Variants in ALX4 observed in about 807,000 individuals in gnomAD.
ALX4 encodes homeobox protein aristaless-like 4.
Under a neutral mutation model 40.6 loss-of-function variants are expected in ALX4, and 22 were observed. That is an observed-to-expected ratio of 0.54 (90% CI 0.39 to 0.77). The LOEUF (loss-of-function observed/expected upper bound fraction) is 0.77, where lower values mean the gene tolerates loss of function less well. ALX4 is among the 30% of genes least tolerant of loss of function. The probability of loss-of-function intolerance (pLI) is 0.00; values close to 1 mark genes in which losing one functional copy is unlikely to be tolerated. For missense variants in ALX4, 556 were observed against 564.8 expected, an observed-to-expected ratio of 0.98 and a Z score of 0.16; for synonymous variants, 266 against 240.5, an observed-to-expected ratio of 1.11 and a Z score of -0.98.
chr11:44,271,669 C>T (rs1171621170), intron 2 of ALX4, among the ~76,000 whole-genome samples: 1 of 152,156 alleles, frequency 6.6e-6, no homozygotes, highest in Non-Finnish European at 1.5e-5. Flanking sequence ...TTGTAAGCTA[C>T]CTCAACTCCA....
chr11:44,275,121 C>A (rs1247304990), intron 2 of ALX4, among the ~76,000 whole-genome samples: 1 of 152,160 alleles, frequency 6.6e-6, no homozygotes, highest in Non-Finnish European at 1.5e-5. Context: ...TGCAACCCCC[C>A]ACCACAGTGC....
At chr11:44,293,494 C>G (rs1241922362) in intron 1 of ALX4, among the ~76,000 whole-genome samples, 1 of 152,226 alleles carries the variant, frequency 6.6e-6, no homozygotes, top group Non-Finnish European at 1.5e-5. Flanking sequence ...GAACGTGAGA[C>G]AAATACATCT....
In ALX4 at chr11:44,265,063, C is replaced by A; in HGVS notation, c.1027G>T (p.Ala343Ser). 6.2e-7 allele frequency: 1 copy of A among 1,613,022 alleles called. No individual in the cohort carries two copies. Among genetic ancestry groups the A allele is most frequent in the South Asian group, 1.1e-5 (1 of 91,080 alleles). Reference sequence around the variant, plus strand: ...CTCAGGAAGTCGGTGACGCTGCTGGCCCCAGAGCCAGGGGGGTGGGCATGA... The same window carrying A: ...CTCAGGAAGTCGGTGACGCTGCTGGACCCAGAGCCAGGGGGGTGGGCATGA... ...SPHAHPPGSG[A>S]SSVTDFLSVS... The change falls in exon 4 of 4, where the codon GCC becomes TCC. Residue 343 changes from alanine to serine, a missense_variant. Physicochemically the swap from Ala to Ser is moderately conservative, Grantham distance 99 (BLOSUM62 1). Coordinates refer to ENST00000652299, the MANE Select transcript of ALX4 (RefSeq NM_021926.4).
intron 1 of ALX4, among the ~76,000 whole-genome samples, chr11:44,303,919 T>TC (rs1191989223): frequency 3.3e-5 from 5 of 152,104 alleles, no homozygotes; most frequent in African/African-American, 1.2e-4. Context: ...GATGGGGGTG[T>TC]CCCCGGTTTA....
chr11:44,268,362 G>A (rs1217322565), intron 2 of ALX4, among the ~76,000 whole-genome samples: 1 of 152,194 alleles, frequency 6.6e-6, no homozygotes, highest in Non-Finnish European at 1.5e-5. Flanking sequence ...GAGTCAGATC[G>A]CAGGGGGCCT....
intron 1 of ALX4, 135 bp downstream of exon 1, chr11:44,309,462 C>T (rs1956492176): frequency 1.4e-6 from 2 of 1,467,906 alleles, no homozygotes; most frequent in South Asian, 1.3e-5. Context: ...AGCGATCGAT[C>T]CCGTTTACCG....
intron 1 of ALX4, among the ~76,000 whole-genome samples, chr11:44,283,503 T>C (rs1020602692): frequency 6.6e-6 from 1 of 152,210 alleles, no homozygotes; most frequent in African/African-American, 2.4e-5. Flanking sequence ...CAATAGGGGA[T>C]TGGTTAAATA....
At chr11:44,288,820 A>C (rs1012548593) in intron 1 of ALX4, among the ~76,000 whole-genome samples, 2 of 152,238 alleles carry the variant, frequency 1.3e-5, no homozygotes, top group Admixed American at 6.5e-5. Context: ...ACTGTCCTAC[A>C]GTTAGTCCAA....
intron 1 of ALX4, among the ~76,000 whole-genome samples, chr11:44,285,643 T>G (rs1956334015): frequency 6.6e-6 from 1 of 151,952 alleles, no homozygotes; most frequent in Non-Finnish European, 1.5e-5. Context: ...GTTTTTAAAA[T>G]CTTTGCCAGC....
intron 1 of ALX4, among the ~76,000 whole-genome samples, chr11:44,304,549 T>TC (rs1326642117): frequency 6.6e-6 from 1 of 151,640 alleles, no homozygotes; most frequent in African/African-American, 2.4e-5. Flanking sequence ...CGGGCAACTA[T>TC]CCCCCTCCTC....
rs77161538 is a variant in ALX4, at chr11:44,308,063, G to A, written c.466+1534C>T. The stretch of plus-strand genomic sequence containing the variant: ...GTGAAGAGGAAGGTGGAGGAAGTGG[G>A]GAAGGGCCACTGAATCTTTCTAAAT... On this transcript the variant is annotated intron_variant, in intron 1 of 3. Coordinates refer to ENST00000652299, the MANE Select transcript of ALX4 (RefSeq NM_021926.4). Among the ~76,000 whole-genome samples, 684 of 152,320 alleles carry A rather than the reference G, an allele frequency of 4.5e-3. 5 individuals are homozygous for A. Among genetic ancestry groups the A allele is most frequent in the African/African-American group, 0.016 (659 of 41,554 alleles).
chr11:44,281,239 T>C (rs946589343), intron 1 of ALX4, among the ~76,000 whole-genome samples: 1 of 151,982 alleles, frequency 6.6e-6, no homozygotes, highest in Non-Finnish European at 1.5e-5. Context: ...AGTCTGCCAT[T>C]GTGAGTGGGT....
At chr11:44,269,412 T>C (rs940066324) in intron 2 of ALX4, among the ~76,000 whole-genome samples, 1 of 152,218 alleles carries the variant, frequency 6.6e-6, no homozygotes, top group Non-Finnish European at 1.5e-5. Flanking sequence ...ATGTATCTCA[T>C]GTTACTGTGA....
intron 1 of ALX4, among the ~76,000 whole-genome samples, chr11:44,286,169 C>T (rs1286458851): frequency 2.0e-5 from 3 of 152,140 alleles, no homozygotes; most frequent in East Asian, 1.9e-4. Flanking sequence ...TGCATGGAGT[C>T]GGAAGAAGGG....
intron 1 of ALX4, among the ~76,000 whole-genome samples, chr11:44,305,457 C>T (rs913810105): frequency 1.4e-4 from 21 of 152,342 alleles, no homozygotes; most frequent in African/African-American, 5.1e-4. Context: ...AGGCTTCAGT[C>T]CCAGGCTCGA....
chr11:44,307,314 G>C (rs1021315507), intron 1 of ALX4, among the ~76,000 whole-genome samples: 1 of 152,208 alleles, frequency 6.6e-6, no homozygotes, highest in African/African-American at 2.4e-5. Context: ...TTGCTGTCAG[G>C]TCACACTGCC....
chr11:44,277,122 G>A (rs938479228), intron 1 of ALX4, among the ~76,000 whole-genome samples: 3 of 152,188 alleles, frequency 2.0e-5, no homozygotes, highest in Admixed American at 1.3e-4. Context: ...GATACTTCTA[G>A]GATCTTCCTC....
chr11:44,286,177 G>A (rs1200274405), intron 1 of ALX4, among the ~76,000 whole-genome samples: 1 of 152,220 alleles, frequency 6.6e-6, no homozygotes, highest in African/African-American at 2.4e-5. Context: ...GTCGGAAGAA[G>A]GGACCTTTCA....
intron 2 of ALX4, among the ~76,000 whole-genome samples, chr11:44,270,735 C>T (rs1371932539): frequency 6.6e-6 from 1 of 152,210 alleles, no homozygotes; most frequent in Non-Finnish European, 1.5e-5. Context: ...CACGAGGTCC[C>T]CACTGTTCTC....
Sources: gnomAD v4.1 joint callset for allele counts (sites outside exome capture counted in the v4.1 genomes callset) on GRCh38, gnomAD v4.1.1 for gene constraint, MANE v1.5 for transcripts, NCBI Gene and HGNC (gene_info 2026-07-23, HGNC 2026-07-21) for gene names.